The following SYNPO2 variants were observed in gnomAD, a reference collection of about 807,000 sequenced individuals.
The protein encoded by SYNPO2 is synaptopodin 2.
In SYNPO2, 56 loss-of-function variants were observed where a neutral mutation model predicts 85.0. The observed-to-expected ratio is 0.66, with a 90% confidence interval of 0.53 to 0.82. SYNPO2 has a LOEUF of 0.82. SYNPO2 is among the 40% of genes least tolerant of loss of function. The pLI is 0.00. For synonymous variants in SYNPO2, 602 were observed against 591.1 expected, an observed-to-expected ratio of 1.02 and a Z score of -0.27; for missense variants, 1,575 against 1,534.2, an observed-to-expected ratio of 1.03 and a Z score of -0.44.
chr4:118,858,043 T>C (rs1731537579), intron 1 of SYNPO2, among the ~76,000 whole-genome samples: 1 of 152,210 alleles, frequency 6.6e-6, no homozygotes, highest in South Asian at 2.1e-4. Context: ...CATTCTTGAT[T>C]CTACGTTGGT....
chr4:119,013,652 T>C (rs1189667460), intron 1 of SYNPO2, among the ~76,000 whole-genome samples: 2 of 152,256 alleles, frequency 1.3e-5, no homozygotes, highest in Non-Finnish European at 2.9e-5. Flanking sequence ...ACTGTGAATA[T>C]GACAGCATCC....
chr4:119,036,658 A>G (rs974480144), intron 4 of SYNPO2: 7 of 985,374 alleles, frequency 7.1e-6, no homozygotes, highest in African/African-American at 1.7e-5. Flanking sequence ...CGTCATGCCA[A>G]TGAAACCCCA....
chr4:118,980,510 C>T (rs1474678115), intron 1 of SYNPO2, among the ~76,000 whole-genome samples: 1 of 152,134 alleles, frequency 6.6e-6, no homozygotes, highest in African/African-American at 2.4e-5. Context: ...CTTTTCCCCC[C>T]TTCCCCAGCA....
chr4:118,993,888 T>C (rs1210189775), intron 1 of SYNPO2, among the ~76,000 whole-genome samples: 1 of 152,266 alleles, frequency 6.6e-6, no homozygotes, highest in Non-Finnish European at 1.5e-5. Flanking sequence ...GGACTTATGA[T>C]GCTGGAAGCA....
At chr4:118,894,026 G>C (rs574990887) in intron 1 of SYNPO2, among the ~76,000 whole-genome samples, 1 of 148,336 alleles carries the variant, frequency 6.7e-6, no homozygotes, top group East Asian at 2.0e-4. Flanking sequence ...TAAAAAAGAA[G>C]ATATATATAT....
chr4:118,926,817 G>T (rs1480310424), intron 1 of SYNPO2, among the ~76,000 whole-genome samples: 4 of 152,134 alleles, frequency 2.6e-5, no homozygotes, highest in Non-Finnish European at 5.9e-5. Context: ...GAGGAGCAGG[G>T]TGCTGTTGTC....
chr4:118,925,180 G>T (rs959503973), intron 1 of SYNPO2, among the ~76,000 whole-genome samples: 1 of 152,024 alleles, frequency 6.6e-6, no homozygotes, highest in African/African-American at 2.4e-5. Context: ...TCAGTGCCAT[G>T]GTTATTCAAA....
chr4:118,979,723 C>A (rs1436233966), intron 1 of SYNPO2, among the ~76,000 whole-genome samples: 1 of 152,194 alleles, frequency 6.6e-6, no homozygotes, highest in Non-Finnish European at 1.5e-5. Flanking sequence ...GGAGGCCATA[C>A]AAATTGTACC....
intron 1 of SYNPO2, among the ~76,000 whole-genome samples, chr4:118,987,610 G>A (rs879305768): frequency 6.6e-6 from 1 of 150,498 alleles, no homozygotes; most frequent in Non-Finnish European, 1.5e-5. Flanking sequence ...GCTGCAGTGA[G>A]GAAAGATCAT....
At chr4:118,917,915 T>C (rs1361600400) in intron 1 of SYNPO2, among the ~76,000 whole-genome samples, 1 of 152,186 alleles carries the variant, frequency 6.6e-6, no homozygotes, top group African/African-American at 2.4e-5. Flanking sequence ...GCTAAATATA[T>C]AGTAGCAGGC....
rs1739391303 is a variant in SYNPO2, at chr4:119,060,877, T to G, written c.*2943T>G. 6.6e-6 allele frequency: 1 copy of G among 152,174 alleles called. No individual in the cohort carries two copies. The highest frequency in any genetic ancestry group is 1.9e-4 in the East Asian group (1 of 5,200). 9.4% of individuals were successfully genotyped at this position (152,174 alleles called of 1,614,324 possible). A position where few individuals can be genotyped will look rare whatever the true frequency, so the allele number is the denominator to read the frequency against. ...TTTTGAGTTTCTTAAATGCGTGGAT[T>G]CTTGTTCATTTATCTCTGAATATGT... On this transcript the variant is annotated 3_prime_UTR_variant, in exon 5 of 5. Coordinates refer to ENST00000307142, the MANE Select transcript of SYNPO2 (RefSeq NM_133477.3).
chr4:119,007,283 CATATAT>C (rs1183044902), intron 1 of SYNPO2, among the ~76,000 whole-genome samples: 27 of 39,738 alleles, frequency 6.8e-4, no homozygotes, highest in East Asian at 4.6e-3. Flanking sequence ...TATGTATATA[CATATAT>C]ATATATATGT....
Position 119,026,953 on chromosome 4 carries a change from C to A in SYNPO2, c.584C>A (p.Pro195His). 1 of 1,614,138 alleles carries A rather than the reference C, an allele frequency of 6.2e-7. No individual in the cohort carries two copies. The highest frequency in any genetic ancestry group is 8.5e-7 in the Non-Finnish European group (1 of 1,180,024). Residue 195 changes from proline to histidine, a missense_variant, in exon 3 of 5, where the codon CCT (proline) becomes CAT (histidine). By Grantham distance (77) the Pro-to-His change is moderately conservative (BLOSUM62 -2). Around this residue, in one of 3 missense-constraint regions of SYNPO2, gnomAD observed 1,508 missense variants for 1,446.8 expected, o/e 1.04. Coordinates refer to ENST00000307142, the MANE Select transcript of SYNPO2 (RefSeq NM_133477.3). ...REKVEAVQPG[P>H]VVELQLSLSQ... ...AAGGTAGAAGCGGTACAGCCTGGGC[C>A]TGTGGTTGAGCTGCAACTGTCCCTT... is the stretch of plus-strand genomic sequence containing the variant.
intron 1 of SYNPO2, among the ~76,000 whole-genome samples, chr4:118,973,935 C>A (rs189892206): frequency 6.6e-6 from 1 of 152,216 alleles, no homozygotes; most frequent in Non-Finnish European, 1.5e-5. Context: ...TCTTCATTGA[C>A]CTGTTTTAAG....
At chr4:118,975,977 C>G (rs1412842588) in intron 1 of SYNPO2, among the ~76,000 whole-genome samples, 1 of 152,174 alleles carries the variant, frequency 6.6e-6, no homozygotes, top group Non-Finnish European at 1.5e-5. Context: ...ATAAAAGTGC[C>G]GGCTATGGAG....
intron 4 of SYNPO2, chr4:119,034,664 A>G: frequency 1.0e-6 from 1 of 985,484 alleles, no homozygotes; most frequent in Non-Finnish European, 1.2e-6. Context: ...ATCCACAACA[A>G]AGTCTGACCT....
intron 1 of SYNPO2, among the ~76,000 whole-genome samples, chr4:118,930,397 T>A (rs1350651635): frequency 6.6e-6 from 1 of 152,194 alleles, no homozygotes; most frequent in Non-Finnish European, 1.5e-5. Flanking sequence ...TTAAACTGTG[T>A]GGTGCATACT....
At chr4:119,029,345 C>T (rs1360571491) in intron 3 of SYNPO2, among the ~76,000 whole-genome samples, 1 of 152,094 alleles carries the variant, frequency 6.6e-6, no homozygotes, top group African/African-American at 2.4e-5. Context: ...AAATTCATTA[C>T]ATTAAAACAT....
At chr4:118,859,268 C>A (rs1015290) in intron 1 of SYNPO2, among the ~76,000 whole-genome samples, 51,277 of 151,806 alleles carry the variant, frequency 0.34, 10,164 homozygotes, top group African/African-American at 0.54. Context: ...TAAATTAAAT[C>A]TTTAATTTTT....
Sources: allele counts gnomAD v4.1 joint callset (sites outside exome capture counted in the v4.1 genomes callset), GRCh38; gene constraint gnomAD v4.1.1; regional missense constraint gnomAD v4.1.1; transcripts MANE v1.5; gene names NCBI Gene and HGNC (gene_info 2026-07-23, HGNC 2026-07-21).